POGZ: variants seen among roughly 807,000 people sequenced by gnomAD.
The protein encoded by POGZ is pogo transposable element derived with ZNF domain.
POGZ carries 17 observed loss-of-function variants against 134.6 expected under a neutral mutation model. The ratio of observed to expected loss-of-function variants is 0.13; its 90% CI spans 0.09 to 0.19. The LOEUF (loss-of-function observed/expected upper bound fraction) is 0.19, where lower values mean the gene tolerates loss of function less well. POGZ is among the 10% of genes least tolerant of loss of function. The probability of loss-of-function intolerance (pLI) is 1.00; values close to 1 mark genes in which losing one functional copy is unlikely to be tolerated. For missense variants in POGZ, 1,306 were observed against 1,769.7 expected, an observed-to-expected ratio of 0.74 and a Z score of 4.70; for synonymous variants, 693 against 657.1, an observed-to-expected ratio of 1.05 and a Z score of -0.84.
intron 1 of POGZ, among the ~76,000 whole-genome samples, chr1:151,445,160 A>C (rs560766923): frequency 8.0e-4 from 122 of 152,224 alleles, no homozygotes; most frequent in Non-Finnish European, 1.5e-3. Flanking sequence ...TGAGAAAAAT[A>C]TCTCTTCTCC....
At chr1:151,415,720 G>T (rs1373923131) in intron 10 of POGZ, among the ~76,000 whole-genome samples, 1 of 147,062 alleles carries the variant, frequency 6.8e-6, no homozygotes, top group South Asian at 2.2e-4. Flanking sequence ...CCTTAAGATA[G>T]CCACTATGGA....
chr1:151,440,586 A>C (rs1286210799), intron 3 of POGZ, among the ~76,000 whole-genome samples: 1 of 152,200 alleles, frequency 6.6e-6, no homozygotes, highest in African/African-American at 2.4e-5. Context: ...TTCTTACCAA[A>C]CTAATGGAAT....
chr1:151,419,318 C>A (rs960660642), intron 10 of POGZ, among the ~76,000 whole-genome samples: 3 of 151,776 alleles, frequency 2.0e-5, no homozygotes, highest in Non-Finnish European at 4.4e-5. Flanking sequence ...GCCAAGACTG[C>A]GCCACTGCAC....
chr1:151,414,383 T>C (rs1293562997), intron 10 of POGZ, among the ~76,000 whole-genome samples: 2 of 152,250 alleles, frequency 1.3e-5, no homozygotes, highest in Non-Finnish European at 2.9e-5. Context: ...TCATTCACTC[T>C]TTCTCCTATA....
chr1:151,436,367 C>T (rs1401483128), intron 3 of POGZ, among the ~76,000 whole-genome samples: 1 of 152,210 alleles, frequency 6.6e-6, no homozygotes, highest in Non-Finnish European at 1.5e-5. Context: ...TAATTTCTCT[C>T]TCTGTGGACT....
At chr1:151,419,024 C>CAAAA (rs71090164) in intron 10 of POGZ, among the ~76,000 whole-genome samples, 4 of 52,132 alleles carry the variant, frequency 7.7e-5, no homozygotes, top group East Asian at 4.8e-4. Context: ...AGCTCTGTCT[C>CAAAA]AAAAAAAAAA....
chr1:151,416,200 A>C (rs1293115163), intron 10 of POGZ, among the ~76,000 whole-genome samples: 3 of 120,126 alleles, frequency 2.5e-5, no homozygotes, highest in Admixed American at 1.9e-4. Flanking sequence ...ACAAGAGTGA[A>C]ACTCCATCTC....
At chr1:151,453,637 T>G (rs1662418238) in intron 1 of POGZ, among the ~76,000 whole-genome samples, 1 of 152,210 alleles carries the variant, frequency 6.6e-6, no homozygotes. Flanking sequence ...AACATGATTT[T>G]TTTGTGCACT....
intron 1 of POGZ, among the ~76,000 whole-genome samples, chr1:151,448,669 C>T (rs1661605271): frequency 6.6e-6 from 1 of 151,914 alleles, no homozygotes; most frequent in African/African-American, 2.4e-5. Flanking sequence ...CGAGACCAGC[C>T]TGGGCAACTT....
Position 151,405,048 on chromosome 1 carries a change from C to A in POGZ, c.3987G>T (p.Leu1329=). 1.2e-6 allele frequency: 2 copies of A among 1,614,148 alleles called. No homozygotes were observed. The highest frequency in any genetic ancestry group is 1.7e-6 in the Non-Finnish European group (2 of 1,180,040). The change falls in exon 19 of 19, where the codon CTG becomes CTT. Residue 1329 remains leucine (L), a synonymous_variant. Coordinates refer to ENST00000271715, the MANE Select transcript of POGZ (RefSeq NM_015100.4). This position sits in a 1 kb window ranked among gnomAD's most constrained non-coding sequence, Gnocchi z 4.9. Reference sequence around the variant, plus strand: ...AGTTAATGTTGCCATCGGGGCCAGGCAGAACACTAGCCACCAGGAAGGAGC... The same window carrying A: ...AGTTAATGTTGCCATCGGGGCCAGGAAGAACACTAGCCACCAGGAAGGAGC... ...VQRSFLVASV[L]PGPDGNINSP... is the part of the protein sequence containing the mutation.
intron 1 of POGZ, among the ~76,000 whole-genome samples, chr1:151,456,387 ACT>A (rs901108740): frequency 1.3e-5 from 2 of 152,352 alleles, no homozygotes; most frequent in Non-Finnish European, 1.5e-5. Flanking sequence ...GGTAATAAAT[ACT>A]GTCAGTTGTT....
Position 151,408,844 on chromosome 1 carries a change from GAA to G in POGZ, c.1927-18_1927-17del, listed in dbSNP as rs3831142. The G allele has an allele frequency of 1.9e-6, 3 of 1,604,656 alleles. No homozygotes were observed. Among genetic ancestry groups the G allele is most frequent in the Non-Finnish European group, 2.5e-6 (3 of 1,177,192 alleles). ...CATTTCTCTTCTGAAGTGGGGGAGG[GAA>G]AAAAAGAGACAAAATCCCTTAAAGG... On this transcript the variant is annotated splice_polypyrimidine_tract_variant and intron_variant, in intron 12 of 18. Coordinates refer to ENST00000271715, the MANE Select transcript of POGZ (RefSeq NM_015100.4).
chr1:151,418,456 T>C (rs987672101), intron 10 of POGZ, among the ~76,000 whole-genome samples: 1 of 151,000 alleles, frequency 6.6e-6, no homozygotes, highest in African/African-American at 2.4e-5. Context: ...GAGTAGAGAG[T>C]TGAAGAGAAG....
intron 7 of POGZ, among the ~76,000 whole-genome samples, chr1:151,426,002 C>T (rs1657705603): frequency 1.3e-5 from 2 of 152,118 alleles, no homozygotes; most frequent in Non-Finnish European, 2.9e-5. Context: ...TCTCCACATC[C>T]TCAACAATAT....
intron 15 of POGZ, 144 bp from the exon 16 acceptor site, chr1:151,407,435 G>A (rs919729561): frequency 4.1e-5 from 25 of 613,202 alleles, no homozygotes; most frequent in Non-Finnish European, 6.7e-5. Flanking sequence ...CTGTCACCAT[G>A]CTTCTTAAAC....
chr1:151,447,809 T>C (rs1571568796), intron 1 of POGZ, among the ~76,000 whole-genome samples: 2 of 152,116 alleles, frequency 1.3e-5, no homozygotes, highest in East Asian at 3.9e-4. Context: ...TTTTGATCCA[T>C]GCAGTTATCT....
chr1:151,424,365 T>C (rs1323614183), intron 8 of POGZ, 79 bp from the exon 9 acceptor site: 1 of 889,068 alleles, frequency 1.1e-6, no homozygotes, highest in East Asian at 2.5e-5. Context: ...CTACCATTCC[T>C]TGTTAACGGT....
At chr1:151,430,583 C>T (rs984384183) in intron 4 of POGZ, 83 bp downstream of exon 4, 25 of 1,045,932 alleles carry the variant, frequency 2.4e-5, no homozygotes, top group South Asian at 7.6e-5. Context: ...CTTCTAATGA[C>T]GCCAAAGACC....
Position 151,408,482 on chromosome 1 carries a change from A to G in POGZ, c.2161T>C (p.Ser721Pro), listed in dbSNP as rs763617685. The change falls in exon 14 of 19, where the codon TCA becomes CCA. Residue 721 changes from serine (S) to proline (P), a missense_variant. Physicochemically the swap from Ser to Pro is moderately conservative, Grantham distance 74. This residue lies in a region of POGZ where 149 missense variants were observed against 237.5 expected (regional missense o/e 0.63). Transcript: ENST00000271715. Reference sequence around the variant, plus strand: ...AGGAAGACAGGCAGAGGGTCCATTGAGGAGGTCAGCGGTGCTGCCTCCTGC... The same window carrying G: ...AGGAAGACAGGCAGAGGGTCCATTGGGGAGGTCAGCGGTGCTGCCTCCTGC... ...ALQEAAPLTSSMDPLPVFLYP... is the reference protein window; with the variant it reads ...ALQEAAPLTSPMDPLPVFLYP... The G allele has an allele frequency of 1.8e-5, 28 of 1,593,992 alleles. 1 individual carries two copies. The highest frequency in any genetic ancestry group is 3.4e-5 in the South Asian group (3 of 87,554).
Sources: gnomAD v4.1 joint callset for allele counts (sites outside exome capture counted in the v4.1 genomes callset) on GRCh38, gnomAD v4.1.1 for gene constraint, gnomAD v4.1.1 regional missense constraint, Gnocchi (gnomAD v3.1) non-coding constraint, MANE v1.5 for transcripts, NCBI Gene and HGNC (gene_info 2026-07-23, HGNC 2026-07-21) for gene names.